Variants in CTNNA2 observed in about 807,000 individuals in gnomAD.
The protein encoded by CTNNA2 is catenin alpha 2, also known as catenin alpha-2.
In CTNNA2, 42 loss-of-function variants were observed where a neutral mutation model predicts 101.0. The observed-to-expected ratio is 0.42, with a 90% CI of 0.32 to 0.54. The LOEUF is 0.54. CTNNA2 is among the 20% of genes least tolerant of loss of function. CTNNA2 has a pLI of 0.14. For synonymous variants in CTNNA2, 450 were observed against 456.4 expected (o/e 0.99, Z 0.18); for missense variants, 871 against 1,223.1 (o/e 0.71, Z 4.29).
chr2:79,638,516 T>C (rs1240573974), intron 1 of CTNNA2, among the ~76,000 whole-genome samples: 2 of 152,172 alleles, frequency 1.3e-5, no homozygotes, highest in African/African-American at 4.8e-5. Flanking sequence ...GTTACGACCT[T>C]TCAAGACTCA....
At chr2:79,755,990 A>T (rs937949134) in intron 3 of CTNNA2, among the ~76,000 whole-genome samples, 3 of 151,460 alleles carry the variant, frequency 2.0e-5, no homozygotes, top group Non-Finnish European at 3.0e-5. Flanking sequence ...TAACATTTGC[A>T]ATAGGTTCAT....
At chr2:80,413,325 C>T (rs1476512548) in intron 8 of CTNNA2, among the ~76,000 whole-genome samples, 1 of 152,120 alleles carries the variant, frequency 6.6e-6, no homozygotes, top group Admixed American at 6.5e-5. Context: ...ATGCTAGTAT[C>T]CCAATTAAAA....
intron 7 of CTNNA2, among the ~76,000 whole-genome samples, chr2:80,000,548 T>C (rs762469033): frequency 7.2e-5 from 11 of 152,178 alleles, no homozygotes; most frequent in Non-Finnish European, 1.2e-4. Context: ...GTTTTCATAT[T>C]GGCCTTCACT....
At chr2:80,458,014 T>C (rs17019200) in intron 9 of CTNNA2, among the ~76,000 whole-genome samples, 4,845 of 152,282 alleles carry the variant, frequency 0.032, 236 homozygotes, top group African/African-American at 0.1. Context: ...CTTCTAGAGC[T>C]GAAGTTAGGC....
intron 3 of CTNNA2, among the ~76,000 whole-genome samples, chr2:79,774,326 C>A (rs1489377289): frequency 6.6e-6 from 1 of 152,192 alleles, no homozygotes; most frequent in East Asian, 1.9e-4. Context: ...TTTGAACCTT[C>A]TAGCCTAGCT....
At position 79,902,145 on chromosome 2, in the gene CTNNA2, G is replaced by C. The variant is rs188301725; in HGVS notation, c.853-7449G>C. 2.8e-3 allele frequency among the ~76,000 whole-genome samples: 429 copies of C among 152,262 alleles called. 4 individuals carry two copies. The highest frequency in any genetic ancestry group is 0.027 in the Middle Eastern group (8 of 294). ...GAATAATATGCTACTGTGCTACTGTGACTTTAGTTTTTGAAATGGGGAAAT... is the reference window on the plus strand; with the variant it reads ...GAATAATATGCTACTGTGCTACTGTCACTTTAGTTTTTGAAATGGGGAAAT... On this transcript the variant is annotated intron_variant, in intron 6 of 18. Transcript: ENST00000402739.
intron 7 of CTNNA2, among the ~76,000 whole-genome samples, chr2:80,300,281 GGTGTGTGTGTGTGTGTGT>G (rs70940079): frequency 0.027 from 2,525 of 93,150 alleles, 82 homozygotes; most frequent in African/African-American, 0.097. Flanking sequence ...GGGGTGTTGG[GGTGTGTGTGTGTGTGTGT>G]GTGTGTGTGT....
chr2:79,304,155 C>T (rs908628691), intron 2 of CTNNA2, among the ~76,000 whole-genome samples: 2 of 152,032 alleles, frequency 1.3e-5, no homozygotes, highest in Admixed American at 6.5e-5. Flanking sequence ...ATATCTAAAT[C>T]GATCACACTG....
Position 80,615,849 on chromosome 2 carries a change from T to A in CTNNA2, c.2431-3236T>A, listed in dbSNP as rs866075863. ...TAAGAAAGTTTCCGGATGGGCAATG[T>A]GGAGTTTCTTTGTTCAGATTTCTTT... On this transcript the variant is annotated intron_variant, in intron 17 of 18. Transcript: ENST00000402739. Among the ~76,000 whole-genome samples the A allele has an allele frequency of 1.1e-4, 17 of 151,770 alleles. 1 individual carries two copies. The highest frequency in any genetic ancestry group is 3.4e-3 in the Middle Eastern group (1 of 294).
chr2:79,339,000 A>G (rs1677069360), intron 3 of CTNNA2, among the ~76,000 whole-genome samples: 3 of 152,048 alleles, frequency 2.0e-5, no homozygotes. Context: ...GATTCCCAAC[A>G]GCAGATATTG....
intron 18 of CTNNA2, among the ~76,000 whole-genome samples, chr2:80,646,984 T>G (rs980563072): frequency 6.6e-6 from 1 of 152,124 alleles, no homozygotes; most frequent in Non-Finnish European, 1.5e-5. Flanking sequence ...TAGTAAATAC[T>G]GAATATTTCA....
At chr2:80,387,297 A>G (rs1013689957) in intron 7 of CTNNA2, among the ~76,000 whole-genome samples, 3 of 152,156 alleles carry the variant, frequency 2.0e-5, no homozygotes, top group South Asian at 2.1e-4. Flanking sequence ...TCAAAAAAAA[A>G]AGAAATACTC....
intron 7 of CTNNA2, among the ~76,000 whole-genome samples, chr2:80,317,535 TA>T (rs1232428393): frequency 6.6e-6 from 1 of 152,144 alleles, no homozygotes; most frequent in African/African-American, 2.4e-5. Flanking sequence ...TTTAACTCTG[TA>T]AAAGCCAAAC....
chr2:80,600,451 T>C (rs752975199), intron 15 of CTNNA2, among the ~76,000 whole-genome samples: 4 of 151,908 alleles, frequency 2.6e-5, no homozygotes, highest in Non-Finnish European at 5.9e-5. Context: ...ATTTGCAGTA[T>C]AACAAAAGAT....
intron 8 of CTNNA2, among the ~76,000 whole-genome samples, chr2:80,405,250 C>T (rs1397838960): frequency 6.6e-6 from 1 of 152,132 alleles, no homozygotes; most frequent in African/African-American, 2.4e-5. Flanking sequence ...TGCAATTCTT[C>T]AGAGAGATAT....
intron 1 of CTNNA2, among the ~76,000 whole-genome samples, chr2:79,564,994 G>A (rs1675017145): frequency 6.6e-6 from 1 of 152,098 alleles, no homozygotes; most frequent in Non-Finnish European, 1.5e-5. Flanking sequence ...GTATGGACTT[G>A]CAGTAATCAT....
chr2:80,353,292 A>G (rs1573812592), intron 7 of CTNNA2, among the ~76,000 whole-genome samples: 2 of 152,120 alleles, frequency 1.3e-5, no homozygotes, highest in East Asian at 3.9e-4. Context: ...CTGCCATGAC[A>G]ATATAAGACT....
rs570339343 is a variant in CTNNA2 at position 80,061,741 on chromosome 2, A to G, written c.1056+151944A>G. ...TAAATTTGTCGCTTATAATACACTG[A>G]GAGTTCTATGAGGATAGAAAATCAT... is the stretch of plus-strand genomic sequence containing the variant. On this transcript the variant is annotated intron_variant, in intron 7 of 18. Transcript: ENST00000402739. Among the ~76,000 whole-genome samples, 9 of 152,320 alleles carry G rather than the reference A, an allele frequency of 5.9e-5. 2 individuals are homozygous for G. Among genetic ancestry groups the G allele is most frequent in the African/African-American group, 2.2e-4 (9 of 41,568 alleles).
intron 2 of CTNNA2, among the ~76,000 whole-genome samples, chr2:79,727,606 T>C (rs1686928194): frequency 6.6e-6 from 1 of 152,068 alleles, no homozygotes; most frequent in African/African-American, 2.4e-5. Context: ...CTTTAAGTTT[T>C]AGGGTACCTG....
Sources: gnomAD v4.1 joint callset for allele counts (sites outside exome capture counted in the v4.1 genomes callset) on GRCh38, gnomAD v4.1.1 for gene constraint, MANE v1.5 for transcripts, NCBI Gene and HGNC (gene_info 2026-07-23, HGNC 2026-07-21) for gene names.